The following MKLN1 variants were observed in gnomAD, a reference collection of about 807,000 sequenced individuals.
The protein encoded by MKLN1 is muskelin 1.
A neutral mutation model predicts 99.0 loss-of-function variants in MKLN1; 18 were observed. The ratio of observed to expected loss-of-function variants is 0.18; its 90% CI spans 0.13 to 0.27. The LOEUF is 0.27. MKLN1 is among the 10% of genes least tolerant of loss of function. The pLI, the probability that MKLN1 is intolerant of heterozygous loss-of-function variation, is 1.00. For synonymous variants in MKLN1, 288 were observed against 293.2 expected (o/e 0.98, Z 0.18); for missense variants, 621 against 875.9 (o/e 0.71, Z 3.67).
chr7:131,139,149 T>C (rs570610507), intron 1 of MKLN1, among the ~76,000 whole-genome samples: 2 of 152,130 alleles, frequency 1.3e-5, no homozygotes, highest in South Asian at 2.1e-4. Context: ...AGAAGGGGTG[T>C]TTGGAAATAA....
chr7:131,260,703 A>G (rs899786993), intron 3 of MKLN1, among the ~76,000 whole-genome samples: 1 of 152,250 alleles, frequency 6.6e-6, no homozygotes, highest in African/African-American at 2.4e-5. Context: ...TAACCAAAAC[A>G]GCATGGTACT....
intron 1 of MKLN1, among the ~76,000 whole-genome samples, chr7:131,369,635 T>G (rs1256623906): frequency 1.3e-5 from 2 of 152,222 alleles, no homozygotes; most frequent in East Asian, 3.8e-4. Context: ...GCAGAGAATT[T>G]TGTCCAAACT....
At chr7:131,190,427 A>G (rs570715873) in intron 2 of MKLN1, among the ~76,000 whole-genome samples, 24 of 151,940 alleles carry the variant, frequency 1.6e-4, no homozygotes, top group African/African-American at 5.8e-4. Context: ...CGATGCTGCA[A>G]TTGGAAATTT....
At chr7:131,474,840 A>T (rs531885437) in intron 16 of MKLN1, among the ~76,000 whole-genome samples, 1 of 152,346 alleles carries the variant, frequency 6.6e-6, no homozygotes, top group East Asian at 1.9e-4. Flanking sequence ...TAATTGACTC[A>T]CAGGCCCACA....
At chr7:131,230,186 GT>G (rs1385401143) in intron 3 of MKLN1, among the ~76,000 whole-genome samples, 1 of 152,114 alleles carries the variant, frequency 6.6e-6, no homozygotes, top group African/African-American at 2.4e-5. Context: ...TAAAAAGTCT[GT>G]TTTGACAGTC....
intron 1 of MKLN1, among the ~76,000 whole-genome samples, chr7:131,328,665 T>C (rs1364841872): frequency 1.3e-5 from 2 of 152,174 alleles, no homozygotes; most frequent in African/African-American, 2.4e-5. Flanking sequence ...GTATTACGGC[T>C]CATTAGAAGA....
chr7:131,472,278 CCTTATTTTTGAAGCCAAAACAAAATATTT>C (rs1345237646), intron 16 of MKLN1: 1 of 151,928 alleles, frequency 6.6e-6, no homozygotes, highest in African/African-American at 2.4e-5. Context: ...ATCATTTTTT[CCTTATTTTTGAAGCCAAAACAAAATATTT>C]CAAAGTAAAT....
intron 3 of MKLN1, among the ~76,000 whole-genome samples, chr7:131,304,622 C>T (rs879812091): frequency 6.6e-6 from 1 of 152,194 alleles, no homozygotes; most frequent in Non-Finnish European, 1.5e-5. Flanking sequence ...TGCCCTTTAA[C>T]AGTTAGCACT....
chr7:131,305,471 T>G (rs1798448613), intron 3 of MKLN1, among the ~76,000 whole-genome samples: 1 of 152,200 alleles, frequency 6.6e-6, no homozygotes, highest in Admixed American at 6.5e-5. Context: ...ATATTCTGGG[T>G]CTGTCACTGA....
At chr7:131,135,847 T>C (rs949211930) in intron 1 of MKLN1, among the ~76,000 whole-genome samples, 4 of 152,268 alleles carry the variant, frequency 2.6e-5, no homozygotes, top group Middle Eastern at 3.4e-3. Context: ...GTCGGATAAA[T>C]GAAGAAATAA....
chr7:131,464,451 A>G (rs201015822), intron 14 of MKLN1, 43 bp downstream of exon 14: 8 of 1,089,462 alleles, frequency 7.3e-6, no homozygotes, highest in South Asian at 1.4e-5. Flanking sequence ...ATGGCCTACT[A>G]TCTGAAACAA....
intron 2 of MKLN1, 105 bp from the exon 3 acceptor site, chr7:131,387,015 A>G (rs1013223259): frequency 1.9e-6 from 2 of 1,055,994 alleles, no homozygotes; most frequent in South Asian, 1.7e-5. Context: ...CAGGATGGAC[A>G]AGGATGGACC....
intron 6 of MKLN1, 47 bp downstream of exon 6, chr7:131,399,480 G>C (rs763967335): frequency 2.0e-6 from 3 of 1,513,646 alleles, no homozygotes; most frequent in Non-Finnish European, 2.7e-6. Context: ...GTACATACGG[G>C]AAACTTTTTC....
chr7:131,278,107 A>G (rs558766932), intron 3 of MKLN1, among the ~76,000 whole-genome samples: 1 of 152,000 alleles, frequency 6.6e-6, no homozygotes, highest in South Asian at 2.1e-4. Context: ...CAGTGGCGTG[A>G]TCTCAGCTCA....
intron 1 of MKLN1, among the ~76,000 whole-genome samples, chr7:131,125,755 A>G (rs963384930): frequency 6.6e-6 from 1 of 152,280 alleles, no homozygotes; most frequent in East Asian, 1.9e-4. Flanking sequence ...CTGTAATCCC[A>G]GCCCTTTGGG....
chr7:131,306,244 C>T (rs1798464992), intron 3 of MKLN1, among the ~76,000 whole-genome samples: 1 of 152,158 alleles, frequency 6.6e-6, no homozygotes. Context: ...TTCTTTATAG[C>T]AGTGTGAGAA....
At chr7:131,348,421 A>C (rs1563304667) in intron 1 of MKLN1, among the ~76,000 whole-genome samples, 1 of 152,348 alleles carries the variant, frequency 6.6e-6, no homozygotes, top group East Asian at 1.9e-4. Context: ...AAGCTAACAC[A>C]AAACAAGGTA....
intron 3 of MKLN1, among the ~76,000 whole-genome samples, chr7:131,234,387 T>C (rs1401899950): frequency 6.6e-6 from 1 of 152,098 alleles, no homozygotes; most frequent in Non-Finnish European, 1.5e-5. Flanking sequence ...CTGTTTAACG[T>C]GTGAATGTCC....
chr7:131,229,704 C>T (rs754659580), intron 3 of MKLN1, among the ~76,000 whole-genome samples: 1 of 152,060 alleles, frequency 6.6e-6, no homozygotes, highest in African/African-American at 2.4e-5. Flanking sequence ...CACAAGCCCA[C>T]GCCTCCACAG....
Sources: gnomAD v4.1 joint callset for allele counts (sites outside exome capture counted in the v4.1 genomes callset) on GRCh38, gnomAD v4.1.1 for gene constraint, MANE v1.5 for transcripts, NCBI Gene and HGNC (gene_info 2026-07-23, HGNC 2026-07-21) for gene names.